SH2D3C: variants seen among roughly 807,000 people sequenced by gnomAD.
SH2D3C encodes the protein SH2 domain containing 3C.
In SH2D3C, 25 loss-of-function variants were observed where a neutral mutation model predicts 75.2. That is an observed-to-expected ratio of 0.33 (90% CI 0.24 to 0.46). The LOEUF (loss-of-function observed/expected upper bound fraction) is 0.46, where lower values mean the gene tolerates loss of function less well. Among genes scored for constraint, SH2D3C ranks in the 20% least tolerant of loss-of-function variants. The pLI, the probability that SH2D3C is intolerant of heterozygous loss-of-function variation, is 1.00. For synonymous variants in SH2D3C, 450 were observed against 473.7 expected, an observed-to-expected ratio of 0.95 and a Z score of 0.65; for missense variants, 933 against 1,165.3, an observed-to-expected ratio of 0.80 and a Z score of 2.90.
At chr9:127,758,126 C>T (rs750691794) in intron 3 of SH2D3C, among the ~76,000 whole-genome samples, 1 of 151,924 alleles carries the variant, frequency 6.6e-6, no homozygotes, top group Non-Finnish European at 1.5e-5. Context: ...CCGCACCCAG[C>T]CTTCCCAGCT....
chr9:127,773,522 T>G (rs1420198663), intron 2 of SH2D3C, among the ~76,000 whole-genome samples: 2 of 152,196 alleles, frequency 1.3e-5, no homozygotes, highest in African/African-American at 4.8e-5. Flanking sequence ...GTGGAAACAG[T>G]AACAGTCTCT....
chr9:127,765,602 C>T (rs1426577085), intron 2 of SH2D3C, among the ~76,000 whole-genome samples: 1 of 152,168 alleles, frequency 6.6e-6, no homozygotes, highest in Non-Finnish European at 1.5e-5. Context: ...AGCTCCACCC[C>T]CTGCAGCCTC....
At position 127,753,547 on chromosome 9, in the gene SH2D3C, G is replaced by A. The variant is rs149062276; in HGVS notation, c.556-2247C>T. Among the ~76,000 whole-genome samples the A allele has an allele frequency of 2.5e-3, 386 of 152,276 alleles. 8 individuals carry two copies. In the East Asian group the frequency reaches 0.055, roughly 22 times the overall value. On this transcript the variant is annotated intron_variant, in intron 3 of 11. Transcript: ENST00000314830. ...ACATCCTCCGGCCGTGGTAGAAACC[G>A]ATGCCCCCGAAGGGCAGAGAGGCCC... is the stretch of plus-strand genomic sequence containing the variant.
chr9:127,751,889 G>C lies in SH2D3C; in HGVS notation c.556-589C>G, dbSNP rs1301238020. ...TTGGACAAGGATACGTTCTGGGATG[G>C]TGCATTCTACAATGCAAGGGTGGGG... is the stretch of plus-strand genomic sequence containing the variant. On this transcript the variant is annotated intron_variant, in intron 3 of 11. Transcript: ENST00000314830. The surrounding 1 kb of genome is among the most constrained non-coding windows in gnomAD (Gnocchi z 4.1). Among the ~76,000 whole-genome samples the C allele has an allele frequency of 6.6e-6, 1 of 152,186 alleles. No individual in the cohort carries two copies. The highest frequency in any genetic ancestry group is 2.4e-5 in the African/African-American group (1 of 41,432).
intron 9 of SH2D3C, among the ~76,000 whole-genome samples, chr9:127,741,365 C>T (rs531025760): frequency 2.0e-5 from 3 of 151,856 alleles, no homozygotes; most frequent in Non-Finnish European, 2.9e-5. Flanking sequence ...CTCAGCCTCC[C>T]GAGTAGCTGG....
At chr9:127,761,792 A>T in intron 2 of SH2D3C, 142 bp from the exon 3 acceptor site, 1 of 625,718 alleles carries the variant, frequency 1.6e-6, no homozygotes, top group Non-Finnish European at 2.7e-6. Flanking sequence ...GGCACTTATC[A>T]GCTGGCCTGG....
rs1052725692 is a variant in SH2D3C, at chr9:127,751,554, C to T, written c.556-254G>A. On this transcript the variant is annotated intron_variant, in intron 3 of 11. Coordinates refer to ENST00000314830, the MANE Select transcript of SH2D3C (RefSeq NM_170600.3). The surrounding 1 kb of genome is among the most constrained non-coding windows in gnomAD (Gnocchi z 4.1). ...GATGCAGTGATATATAAACCAAGCC[C>T]GGCCCTCAAGGCAGTGCCTAGTCTG... 6.6e-6 allele frequency among the ~76,000 whole-genome samples: 1 copy of T among 152,220 alleles called. No individual in the cohort carries two copies. The highest frequency in any genetic ancestry group is 1.5e-5 in the Non-Finnish European group (1 of 68,046).
At chr9:127,743,659 A>T (rs1326717463) in intron 7 of SH2D3C, among the ~76,000 whole-genome samples, 1 of 152,056 alleles carries the variant, frequency 6.6e-6, no homozygotes, top group African/African-American at 2.4e-5. Context: ...GCCACCCTGG[A>T]CTCTTCATGG....
chr9:127,777,483 C>A (rs1829039803), intron 1 of SH2D3C, among the ~76,000 whole-genome samples: 1 of 149,372 alleles, frequency 6.7e-6, no homozygotes, highest in African/African-American at 2.5e-5. Flanking sequence ...CCAGTAACTC[C>A]CCACCTGGGA....
intron 3 of SH2D3C, 144 bp downstream of exon 3, chr9:127,761,467 C>A: frequency 6.8e-6 from 4 of 588,476 alleles, no homozygotes; most frequent in South Asian, 2.2e-5. Context: ...AATGCTGCCT[C>A]GACTCCGAGA....
rs758201513 is a variant in SH2D3C, at chr9:127,745,080, G to T, written c.1284C>A (p.Ala428=). Residue 428 remains alanine (A), a synonymous_variant, in exon 7 of 12, where the codon GCC becomes GCA. Coordinates refer to ENST00000314830, the MANE Select transcript of SH2D3C (RefSeq NM_170600.3). ...AYSTVTRVHA[A]PAAPSATALP... is the part of the protein sequence containing the mutation. ...ATGCTGTGGCAGAAGGGGCTGCAGG[G>T]GCGGCATGGACACGGGTTACTGCAG... is the stretch of plus-strand genomic sequence containing the variant. The T allele has an allele frequency of 1.1e-5, 16 of 1,505,350 alleles. No homozygotes were observed. Among genetic ancestry groups the T allele is most frequent in the Non-Finnish European group, 1.3e-5 (15 of 1,128,804 alleles). 93.2% of individuals were successfully genotyped at this position (1,505,350 alleles called of 1,614,324 possible).
At chr9:127,769,853 T>C (rs1049438652) in intron 2 of SH2D3C, among the ~76,000 whole-genome samples, 4 of 152,106 alleles carry the variant, frequency 2.6e-5, no homozygotes, top group Non-Finnish European at 5.9e-5. Flanking sequence ...GTCTCCTCAC[T>C]GGCAAAATGG....
chr9:127,747,441 G>T (rs1384431104), intron 5 of SH2D3C, among the ~76,000 whole-genome samples, 170 bp from the exon 6 acceptor site: 1 of 152,212 alleles, frequency 6.6e-6, no homozygotes, highest in Non-Finnish European at 1.5e-5. Context: ...CCCAGATGAG[G>T]GAGGGGGCAC....
chr9:127,755,383 C>G, intron 3 of SH2D3C: 1 of 342,904 alleles, frequency 2.9e-6, no homozygotes, highest in Non-Finnish European at 5.0e-6. Flanking sequence ...CGCCCGCCCC[C>G]CGCTCCCAGC....
chr9:127,763,189 C>A (rs1045951724), intron 2 of SH2D3C, among the ~76,000 whole-genome samples: 5 of 152,222 alleles, frequency 3.3e-5, no homozygotes, highest in African/African-American at 1.2e-4. Flanking sequence ...TTAATGTCAC[C>A]TCTTCGGAGA....
rs1318655920 is a variant in SH2D3C at position 127,749,882 on chromosome 9, C to T, written c.685-217G>A. ...AGCCAGAGGCCCTGAGTCTGCAGCA[C>T]AGAGGCTCAGGAATGGGAGGACCCA... On this transcript the variant is annotated intron_variant, in intron 4 of 11. Transcript: ENST00000314830. The surrounding 1 kb of genome is among the most constrained non-coding windows in gnomAD (Gnocchi z 5.9). 6.6e-6 allele frequency among the ~76,000 whole-genome samples: 1 copy of T among 152,144 alleles called. No homozygotes were observed. Among genetic ancestry groups the T allele is most frequent in the African/African-American group, 2.4e-5 (1 of 41,426 alleles).
chr9:127,763,980 A>T (rs1449806291), intron 2 of SH2D3C, among the ~76,000 whole-genome samples: 1 of 151,728 alleles, frequency 6.6e-6, no homozygotes, highest in Non-Finnish European at 1.5e-5. Context: ...TCCCCCAGCC[A>T]CCTCCGCCCA....
chr9:127,749,594 A>G lies in SH2D3C; in HGVS notation c.756T>C (p.Tyr252=), dbSNP rs2131754272. Residue 252 remains tyrosine, a synonymous_variant, in exon 5 of 12, where the codon TAT becomes TAC. Coordinates refer to ENST00000314830, the MANE Select transcript of SH2D3C (RefSeq NM_170600.3). The surrounding 1 kb of genome is among the most constrained non-coding windows in gnomAD (Gnocchi z 5.9). ...IRDSLTSLGD[Y]VLTCRWRNQA... ...GGTTGCGCCAGCGGCACGTGAGCAC[A>G]TAGTCGCCCAGGCTGGTGAGTGAGT... The G allele has an allele frequency of 1.2e-6, 2 of 1,603,130 alleles. No homozygotes were observed. The highest frequency in any genetic ancestry group is 4.5e-5 in the East Asian group (2 of 44,256).
rs751775128 is a variant in SH2D3C at position 127,738,762 on chromosome 9, C to A, written c.2567G>T (p.Arg856Leu). The A allele has an allele frequency of 3.1e-6, 5 of 1,602,930 alleles. No homozygotes were observed. The highest frequency in any genetic ancestry group is 4.3e-6 in the Non-Finnish European group (5 of 1,174,406). Residue 856 changes from arginine to leucine, a missense_variant, in exon 12 of 12, where the codon CGC becomes CTC. Coordinates refer to ENST00000314830, the MANE Select transcript of SH2D3C (RefSeq NM_170600.3). The surrounding 1 kb of genome is among the most constrained non-coding windows in gnomAD (Gnocchi z 5.0). ...ALSHKLEPAV[R>L]SSEL ...TCCCTGGGGTCACAGCTCGCTGGAG[C>A]GGACAGCAGGTTCCAGCTTGTGGGA...
Sources: gnomAD v4.1 joint callset for allele counts (sites outside exome capture counted in the v4.1 genomes callset) on GRCh38, gnomAD v4.1.1 for gene constraint, Gnocchi (gnomAD v3.1) non-coding constraint, MANE v1.5 for transcripts, NCBI Gene and HGNC (gene_info 2026-07-23, HGNC 2026-07-21) for gene names.